ZBTB17: variants seen among roughly 807,000 people sequenced by gnomAD.
ZBTB17 encodes the protein zinc finger and BTB domain-containing protein 17.
ZBTB17 carries 24 observed loss-of-function variants against 85.1 expected under a neutral mutation model. The ratio of observed to expected loss-of-function variants is 0.28; its 90% confidence interval spans 0.20 to 0.40. The LOEUF is 0.40. ZBTB17 is among the 10% of genes least tolerant of loss of function. The probability of loss-of-function intolerance (pLI) is 1.00; values close to 1 mark genes in which losing one functional copy is unlikely to be tolerated. For synonymous variants in ZBTB17, 464 were observed against 460.2 expected (o/e 1.01, Z -0.11); for missense variants, 743 against 1,105.1 (o/e 0.67, Z 4.65).
chr1:15,963,325 G>A (rs984081492), intron 2 of ZBTB17, among the ~76,000 whole-genome samples: 2 of 152,144 alleles, frequency 1.3e-5, no homozygotes, highest in Non-Finnish European at 2.9e-5. Context: ...TAAAGATTGG[G>A]AATGATAGTA....
chr1:15,952,221 C>A lies in ZBTB17; in HGVS notation c.-2-3724G>T, dbSNP rs1271191695. 6.6e-6 allele frequency among the ~76,000 whole-genome samples: 1 copy of A among 152,182 alleles called. No homozygotes were observed. Among genetic ancestry groups the A allele is most frequent in the Non-Finnish European group, 1.5e-5 (1 of 68,038 alleles). On this transcript the variant is annotated intron_variant, in intron 2 of 15. Transcript: ENST00000375743. This position sits in a 1 kb window ranked among gnomAD's most constrained non-coding sequence, Gnocchi z 4.3. ...TCACAAAGTCTTAGCTGCAATCGGG[C>A]ACCTTTTCCCAACACCTCTAGTCAC...
intron 1 of ZBTB17, among the ~76,000 whole-genome samples, chr1:15,974,435 A>G (rs1405270414): frequency 6.6e-6 from 1 of 151,038 alleles, no homozygotes; most frequent in Non-Finnish European, 1.5e-5. Flanking sequence ...TTGGCCTCCC[A>G]AAGTGCTAGA....
intron 2 of ZBTB17, among the ~76,000 whole-genome samples, chr1:15,967,812 A>G (rs778490801): frequency 2.6e-5 from 4 of 152,228 alleles, no homozygotes; most frequent in Admixed American, 6.5e-5. Flanking sequence ...GAGGAAACTG[A>G]GGGTTAGAAA....
At chr1:15,968,966 C>T (rs537097030) in intron 2 of ZBTB17, among the ~76,000 whole-genome samples, 3 of 152,344 alleles carry the variant, frequency 2.0e-5, no homozygotes, top group African/African-American at 4.8e-5. Context: ...TGGTCCGTGG[C>T]CTGTTAGGAA....
At chr1:15,943,921 G>C in intron 9 of ZBTB17, 26 bp from the exon 10 acceptor site, 1 of 1,570,142 alleles carries the variant, frequency 6.4e-7, no homozygotes, top group Non-Finnish European at 8.6e-7. Flanking sequence ...GGTCAGGGGG[G>C]CCACCCCACA....
intron 9 of ZBTB17, 102 bp downstream of exon 9, chr1:15,944,198 G>A: frequency 6.8e-7 from 1 of 1,465,110 alleles, no homozygotes; most frequent in Non-Finnish European, 9.3e-7. Flanking sequence ...ATGAGCTCCT[G>A]GAGGCCGGGG....
At chr1:15,947,621 G>A (rs140503851) in intron 3 of ZBTB17, among the ~76,000 whole-genome samples, 1 of 152,204 alleles carries the variant, frequency 6.6e-6, no homozygotes, top group African/African-American at 2.4e-5. Context: ...CATTGAGGAC[G>A]GATGTTGTGA....
chr1:15,945,822 T>C lies in ZBTB17; in HGVS notation c.554A>G (p.Lys185Arg). The change falls in exon 6 of 16, where the codon AAA becomes AGA. Residue 185 changes from lysine to arginine, a missense_variant. Lys to Arg is a conservative substitution (Grantham distance 26). This residue lies in a region of ZBTB17 where 279 missense variants were observed against 269.9 expected (regional missense o/e 1.03). Coordinates refer to ENST00000375743, the MANE Select transcript of ZBTB17 (RefSeq NM_003443.3). The stretch of plus-strand genomic sequence containing the variant: ...CGGCGGCTCCCGGGGCGCATCGGCT[T>C]TCTCTGTCTGCTCTGCACCTGGGTG... ...SAASGAEQTE[K>R]ADAPREPPPV... 3 of 1,600,140 alleles carry C rather than the reference T, an allele frequency of 1.9e-6. No homozygotes were observed. Among genetic ancestry groups the C allele is most frequent in the Non-Finnish European group, 1.7e-6 (2 of 1,177,742 alleles).
At position 15,944,686 on chromosome 1, in the gene ZBTB17, TG is replaced by T; in HGVS notation, c.1070+10del. On this transcript the variant is annotated intron_variant, in intron 8 of 15. Transcript: ENST00000375743. ...CAGGGGCCGGGGTAGGAGGCCGGCTTGGGGCAGTACCTGTGCGTCTTCTCAT... is the reference window on the plus strand; with the variant it reads ...CAGGGGCCGGGGTAGGAGGCCGGCTTGGGCAGTACCTGTGCGTCTTCTCAT... 1 of 1,605,844 alleles carries T rather than the reference TG, an allele frequency of 6.2e-7. No individual in the cohort carries two copies.
At chr1:15,948,728 C>G (rs2071714181) in intron 2 of ZBTB17, among the ~76,000 whole-genome samples, 1 of 152,164 alleles carries the variant, frequency 6.6e-6, no homozygotes, top group Non-Finnish European at 1.5e-5. Flanking sequence ...GTGGCCCAAA[C>G]CAAAAAGCAC....
At position 15,966,466 on chromosome 1, in the gene ZBTB17, A is replaced by G. The variant is rs1366113850; in HGVS notation, c.-3+6573T>C. ...CTCGCAGCGGGAATTCCCACCTCTG[A>G]GCCTCTGTCCACACTGCTGTTTAGA... On this transcript the variant is annotated intron_variant, in intron 2 of 15. Coordinates refer to ENST00000375743, the MANE Select transcript of ZBTB17 (RefSeq NM_003443.3). This position sits in a 1 kb window ranked among gnomAD's most constrained non-coding sequence, Gnocchi z 4.1. Among the ~76,000 whole-genome samples, 1 of 152,132 alleles carries G rather than the reference A, an allele frequency of 6.6e-6. No homozygotes were observed. Among genetic ancestry groups the G allele is most frequent in the Admixed American group, 6.5e-5 (1 of 15,270 alleles).
Position 15,973,978 on chromosome 1 carries a change from C to T in ZBTB17, c.-89-853G>A, listed in dbSNP as rs76776395. Among the ~76,000 whole-genome samples, 3 of 151,860 alleles carry T rather than the reference C, an allele frequency of 2.0e-5. No individual in the cohort carries two copies. The highest frequency in any genetic ancestry group is 4.4e-5 in the Non-Finnish European group (3 of 67,986). ...GCTGAGGCGGGAGGATCATTTGAGG[C>T]CAAGAGTTCGAGACCAGTCTGGGCA... On this transcript the variant is annotated intron_variant, in intron 1 of 15. Coordinates refer to ENST00000375743, the MANE Select transcript of ZBTB17 (RefSeq NM_003443.3). This position sits in a 1 kb window ranked among gnomAD's most constrained non-coding sequence, Gnocchi z 4.1.
chr1:15,968,534 GC>G, intron 2 of ZBTB17, among the ~76,000 whole-genome samples: 1 of 152,300 alleles, frequency 6.6e-6, no homozygotes, highest in East Asian at 1.9e-4. Context: ...CAGGGGAGGG[GC>G]TCCAAACTCA....
rs774254769 is a variant in ZBTB17, at chr1:15,945,159, C to A, written c.705G>T (p.Lys235Asn). The A allele has an allele frequency of 3.8e-5, 60 of 1,576,632 alleles. No individual in the cohort carries two copies. The highest frequency in any genetic ancestry group is 2.2e-5 in the Non-Finnish European group (25 of 1,160,554). The change falls in exon 7 of 16, where the codon AAG becomes AAT. Residue 235 changes from lysine (K) to asparagine (N), a missense_variant. Lys to Asn is a moderately conservative substitution (Grantham distance 94). Transcript: ENST00000375743. The part of the protein sequence containing the change: ...EPARKGEEEQ[K>N]EQEEQEEEGA... ...CCTCCTCCTCTTGCTCCTCTTGCTC[C>A]TTTTGCTCCTCTTCCCCTTTCCGGG...
intron 14 of ZBTB17, 32 bp from the exon 15 acceptor site, chr1:15,942,452 G>A: frequency 6.2e-7 from 1 of 1,612,104 alleles, no homozygotes. Context: ...CTAAGGTGAA[G>A]GCACGGGCAC....
chr1:15,946,535 T>C (rs1392702534), intron 4 of ZBTB17, among the ~76,000 whole-genome samples: 1 of 152,212 alleles, frequency 6.6e-6, no homozygotes, highest in East Asian at 1.9e-4. Context: ...GCAGACCCCA[T>C]GTGTGCACTA....
intron 3 of ZBTB17, among the ~76,000 whole-genome samples, chr1:15,947,971 G>A (rs1331334665): frequency 3.9e-5 from 6 of 152,158 alleles, no homozygotes; most frequent in Non-Finnish European, 1.5e-5. Context: ...GACTGACTCT[G>A]CCACGGAAAG....
rs2072433027 is a variant in ZBTB17, at chr1:15,966,159, C to T, written c.-3+6880G>A. 6.6e-6 allele frequency among the ~76,000 whole-genome samples: 1 copy of T among 152,136 alleles called. No individual in the cohort carries two copies. The highest frequency in any genetic ancestry group is 2.1e-4 in the South Asian group (1 of 4,824). On this transcript the variant is annotated intron_variant, in intron 2 of 15. Coordinates refer to ENST00000375743, the MANE Select transcript of ZBTB17 (RefSeq NM_003443.3). This position sits in a 1 kb window ranked among gnomAD's most constrained non-coding sequence, Gnocchi z 4.1. ...TGAGTCACAGTAACGGGGGAAAATC[C>T]CTGAGGGGCCCACATGGCCCCGAGA...
intron 2 of ZBTB17, among the ~76,000 whole-genome samples, chr1:15,957,419 G>C (rs1309626499): frequency 7.8e-6 from 1 of 128,210 alleles, no homozygotes; most frequent in Non-Finnish European, 1.7e-5. Context: ...TGGAGAGGAG[G>C]AGGTGTGTGG....
Sources: allele counts gnomAD v4.1 joint callset (sites outside exome capture counted in the v4.1 genomes callset), GRCh38; gene constraint gnomAD v4.1.1; regional missense constraint gnomAD v4.1.1; non-coding constraint Gnocchi (gnomAD v3.1); transcripts MANE v1.5; gene names NCBI Gene and HGNC (gene_info 2026-07-23, HGNC 2026-07-21).